Variants in SORCS2 observed in about 807,000 individuals in gnomAD.
SORCS2 encodes the protein sortilin related VPS10 domain containing receptor 2.
SORCS2 carries 100 observed loss-of-function variants against 141.6 expected under a neutral mutation model. The observed-to-expected ratio is 0.71, with a 90% CI of 0.60 to 0.83. SORCS2 has a LOEUF of 0.83. Among genes scored for constraint, SORCS2 ranks in the 40% least tolerant of loss-of-function variants. The pLI, the probability that SORCS2 is intolerant of heterozygous loss-of-function variation, is 0.00. For missense variants in SORCS2, 1,646 were observed against 1,560.2 expected, an observed-to-expected ratio of 1.05 and a Z score of -0.93; for synonymous variants, 789 against 676.9, an observed-to-expected ratio of 1.17 and a Z score of -2.57.
chr4:7,718,216 C>T (rs1407060161), intron 18 of SORCS2, 33 bp downstream of exon 18: 1 of 1,595,152 alleles, frequency 6.3e-7, no homozygotes, highest in Non-Finnish European at 8.5e-7. Context: ...GCTCCTGGGA[C>T]TGTCGGGCAG....
At chr4:7,350,802 C>T (rs773776557) in intron 1 of SORCS2, among the ~76,000 whole-genome samples, 19 of 152,192 alleles carry the variant, frequency 1.2e-4, no homozygotes, top group Admixed American at 2.6e-4. Flanking sequence ...TTGCTGATGC[C>T]AGCTCCAGCC....
chr4:7,337,476 G>A (rs1720057578), intron 1 of SORCS2, among the ~76,000 whole-genome samples: 1 of 152,118 alleles, frequency 6.6e-6, no homozygotes, highest in Non-Finnish European at 1.5e-5. Context: ...AGGTCGGGGA[G>A]AGTTCCAGGT....
chr4:7,299,199 C>A lies in SORCS2; in HGVS notation c.481-97089C>A, dbSNP rs1717272808. 3.3e-5 allele frequency among the ~76,000 whole-genome samples: 5 copies of A among 152,358 alleles called. No homozygotes were observed. The South Asian group carries it at 1.0e-3, about 32-fold the overall frequency. On this transcript the variant is annotated intron_variant, in intron 1 of 26. Coordinates refer to ENST00000507866, the MANE Select transcript of SORCS2 (RefSeq NM_020777.3). ...GGCCTGTCCGGGGCTGGGGGTGGGC[C>A]CCCTGGCAGCCGGAGCCAGGCGAGG...
chr4:7,482,461 CTG>C (rs1208687637), intron 2 of SORCS2, among the ~76,000 whole-genome samples: 1 of 55,514 alleles, frequency 1.8e-5, no homozygotes, highest in Non-Finnish European at 3.3e-5. Context: ...TGTATCCCCG[CTG>C]CGGACACCCC....
At chr4:7,737,314 G>A (rs565280689) in intron 26 of SORCS2, 142 bp downstream of exon 26, 26 of 1,219,620 alleles carry the variant, frequency 2.1e-5, no homozygotes, top group African/African-American at 1.1e-4. Context: ...CCAGCGGGTC[G>A]GTCGGGCCCA....
In SORCS2 at chr4:7,400,420, C is replaced by A. The variant is rs916074714; in HGVS notation, c.548+4065C>A. 6.6e-5 allele frequency among the ~76,000 whole-genome samples: 10 copies of A among 152,316 alleles called. No homozygotes were observed. In the South Asian group the frequency reaches 1.9e-3, roughly 28 times the overall value. ...AGAGGCCCCCAGGCATTCTTTATAACCTCTCTCATTGAAATGTGGGAGTTC... is the reference window on the plus strand; with the variant it reads ...AGAGGCCCCCAGGCATTCTTTATAAACTCTCTCATTGAAATGTGGGAGTTC... On this transcript the variant is annotated intron_variant, in intron 2 of 26. Coordinates refer to ENST00000507866, the MANE Select transcript of SORCS2 (RefSeq NM_020777.3).
At chr4:7,657,665 G>A (rs1721870899) in intron 5 of SORCS2, among the ~76,000 whole-genome samples, 1 of 152,052 alleles carries the variant, frequency 6.6e-6, no homozygotes, top group Admixed American at 6.5e-5. Context: ...GAGTGAATGA[G>A]TAATTAGTGA....
At chr4:7,732,022 T>C (rs972609335) in intron 23 of SORCS2, among the ~76,000 whole-genome samples, 27 of 152,056 alleles carry the variant, frequency 1.8e-4, no homozygotes, top group African/African-American at 6.5e-4. Flanking sequence ...GCCCACAGAA[T>C]AGGAGAAAAG....
chr4:7,728,413 C>A lies in SORCS2; in HGVS notation c.2933C>A (p.Pro978His). 1 of 1,613,770 alleles carries A rather than the reference C, an allele frequency of 6.2e-7. No individual in the cohort carries two copies. The highest frequency in any genetic ancestry group is 8.5e-7 in the Non-Finnish European group (1 of 1,179,828). Residue 978 changes from proline to histidine, a missense_variant, in exon 22 of 27, where the codon CCT becomes CAT. Transcript: ENST00000507866. ...KELDAYNPNT[P>H]EWREDVGLVV... ...CTGGATGCCTACAACCCCAACACCC[C>A]TGAGTGGAGGGAAGACGTGGGCCTG...
chr4:7,511,975 C>T (rs1029341045), intron 2 of SORCS2, among the ~76,000 whole-genome samples: 3 of 152,344 alleles, frequency 2.0e-5, no homozygotes, highest in East Asian at 1.9e-4. Flanking sequence ...GTGGGAGACA[C>T]GGTGCCCTCC....
chr4:7,599,276 G>C (rs747334900), intron 3 of SORCS2, among the ~76,000 whole-genome samples: 12 of 152,172 alleles, frequency 7.9e-5, no homozygotes, highest in Non-Finnish European at 1.6e-4. Context: ...CCAGGACTGG[G>C]AGCCAACTGG....
At chr4:7,720,184 C>T (rs1726495084) in intron 18 of SORCS2, among the ~76,000 whole-genome samples, 1 of 152,134 alleles carries the variant, frequency 6.6e-6, no homozygotes. Flanking sequence ...TTAGGGGAGT[C>T]TAAGTTTTGT....
At chr4:7,369,192 TC>T (rs1722094724) in intron 1 of SORCS2, among the ~76,000 whole-genome samples, 1 of 152,100 alleles carries the variant, frequency 6.6e-6, no homozygotes, top group South Asian at 2.1e-4. Flanking sequence ...GCACCTGTAA[TC>T]CCAGCTAGTC....
intron 2 of SORCS2, among the ~76,000 whole-genome samples, chr4:7,488,983 A>C (rs1577648515): frequency 6.6e-6 from 1 of 152,174 alleles, no homozygotes; most frequent in African/African-American, 2.4e-5. Context: ...GTGCTTTTTC[A>C]TTCATTCATT....
chr4:7,358,526 T>C (rs1721394674), intron 1 of SORCS2, among the ~76,000 whole-genome samples: 1 of 152,256 alleles, frequency 6.6e-6, no homozygotes, highest in South Asian at 2.1e-4. Context: ...TGTAGCTGGA[T>C]GCATTCCCGT....
intron 1 of SORCS2, among the ~76,000 whole-genome samples, chr4:7,302,956 G>T (rs1025273681): frequency 2.6e-5 from 4 of 152,270 alleles, no homozygotes; most frequent in African/African-American, 9.6e-5. Flanking sequence ...CCCTAGCTGC[G>T]TGGGGGCCGC....
chr4:7,403,944 T>C (rs1724751258), intron 2 of SORCS2, among the ~76,000 whole-genome samples: 1 of 139,718 alleles, frequency 7.2e-6, no homozygotes, highest in Non-Finnish European at 1.6e-5. Context: ...CCTGTCATTT[T>C]CTCTGCCTCC....
intron 1 of SORCS2, among the ~76,000 whole-genome samples, chr4:7,252,536 G>A (rs1027876164): frequency 3.3e-5 from 5 of 152,204 alleles, no homozygotes; most frequent in Admixed American, 6.5e-5. Flanking sequence ...AGAAATAATA[G>A]AGTGATTTGA....
chr4:7,311,212 ATCGCTGTTT>A (rs1214032665), intron 1 of SORCS2, among the ~76,000 whole-genome samples: 7 of 152,160 alleles, frequency 4.6e-5, no homozygotes, highest in African/African-American at 1.7e-4. Flanking sequence ...TCTACTCAGC[ATCGCTGTTT>A]TCAGATTCAG....
Sources: gnomAD v4.1 joint callset for allele counts (sites outside exome capture counted in the v4.1 genomes callset) on GRCh38, gnomAD v4.1.1 for gene constraint, MANE v1.5 for transcripts, NCBI Gene and HGNC (gene_info 2026-07-23, HGNC 2026-07-21) for gene names.